The following ATG10 variants were observed in gnomAD, a reference collection of about 807,000 sequenced individuals.
The protein encoded by ATG10 is ubiquitin-like-conjugating enzyme ATG10.
Under a neutral mutation model 32.1 loss-of-function variants are expected in ATG10, and 30 were observed. That is an observed-to-expected ratio of 0.94 (90% CI 0.70 to 1.27). The LOEUF is 1.27. Ranked by LOEUF, ATG10 falls within the 50% of genes most tolerant of loss-of-function variation. The pLI is 0.00. For synonymous variants in ATG10, 87 were observed against 91.5 expected, an observed-to-expected ratio of 0.95 and a Z score of 0.28; for missense variants, 233 against 262.3, an observed-to-expected ratio of 0.89 and a Z score of 0.77.
chr5:82,138,625 G>A (rs770976071), intron 3 of ATG10, among the ~76,000 whole-genome samples: 20 of 152,270 alleles, frequency 1.3e-4, no homozygotes, highest in Non-Finnish European at 2.5e-4. Flanking sequence ...TGCCTATTGC[G>A]TTGGTCTTGC....
chr5:82,079,400 G>T (rs1764393441), intron 3 of ATG10, among the ~76,000 whole-genome samples: 5 of 151,666 alleles, frequency 3.3e-5, no homozygotes. Flanking sequence ...AAGTTCTAGG[G>T]TACATGTGCA....
chr5:82,050,505 G>C (rs1763376952), intron 2 of ATG10, among the ~76,000 whole-genome samples: 1 of 151,858 alleles, frequency 6.6e-6, no homozygotes, highest in African/African-American at 2.4e-5. Flanking sequence ...TTAGTCCTCT[G>C]TGCTTTGTTT....
chr5:82,216,608 G>A (rs1320002298), intron 5 of ATG10, among the ~76,000 whole-genome samples: 1 of 152,122 alleles, frequency 6.6e-6, no homozygotes, highest in African/African-American at 2.4e-5. Flanking sequence ...TGACAGACTG[G>A]CAACACTTCA....
intron 3 of ATG10, among the ~76,000 whole-genome samples, chr5:82,078,935 C>G (rs1318930005): frequency 6.6e-6 from 1 of 152,146 alleles, no homozygotes; most frequent in Non-Finnish European, 1.5e-5. Flanking sequence ...TGAATTCAAA[C>G]TCCAGTATCA....
intron 2 of ATG10, chr5:82,009,479 G>C (rs1762070501): frequency 3.9e-6 from 3 of 760,592 alleles, no homozygotes; most frequent in Non-Finnish European, 6.5e-6. Context: ...GGAACCCAAA[G>C]GGAACTGCAG....
In ATG10 at chr5:82,184,736, A is replaced by T. The variant is rs147871914; in HGVS notation, c.453+6149A>T. Among the ~76,000 whole-genome samples the T allele has an allele frequency of 2.0e-3, 301 of 152,316 alleles. 5 individuals carry two copies. The highest frequency in any genetic ancestry group is 6.9e-3 in the African/African-American group (287 of 41,560). ...TATATTAAAATACTTTCTTTGACCTACAAGTTTATTATTTTATTTTTTAAA... is the reference window on the plus strand; with the variant it reads ...TATATTAAAATACTTTCTTTGACCTTCAAGTTTATTATTTTATTTTTTAAA... On this transcript the variant is annotated intron_variant, in intron 5 of 7. Transcript: ENST00000282185.
chr5:82,041,421 A>T (rs1372301471), intron 2 of ATG10, among the ~76,000 whole-genome samples: 1 of 152,182 alleles, frequency 6.6e-6, no homozygotes, highest in African/African-American at 2.4e-5. Context: ...TAGGTTTTTG[A>T]GATATTTGTG....
chr5:82,171,990 A>G (rs1743825758), intron 4 of ATG10, among the ~76,000 whole-genome samples: 1 of 152,194 alleles, frequency 6.6e-6, no homozygotes. Flanking sequence ...TATGTTAAGG[A>G]CCATAAGAGA....
At chr5:82,087,730 G>A (rs907423473) in intron 3 of ATG10, among the ~76,000 whole-genome samples, 4 of 152,038 alleles carry the variant, frequency 2.6e-5, no homozygotes, top group Non-Finnish European at 2.9e-5. Flanking sequence ...CCCAGGGTGA[G>A]CACATGACTA....
Position 82,164,514 on chromosome 5 carries a change from T to A in ATG10, c.332T>A (p.Leu111His). ...TCCTGTAGCTACCAAGTGCCTGTAC[T>A]TTACTTTAGGGCAAGCTTTTTAGGT... ...LYSCSYQVPV[L>H]YFRASFLDGR... Residue 111 changes from leucine (L) to histidine (H), a missense_variant, in exon 4 of 8, where the codon CTT (leucine) becomes CAT (histidine). Leu to His is a moderately conservative substitution (Grantham distance 99). Coordinates refer to ENST00000282185, the MANE Select transcript of ATG10 (RefSeq NM_031482.5). The A allele has an allele frequency of 2.5e-6, 4 of 1,613,180 alleles. No homozygotes were observed. The highest frequency in any genetic ancestry group is 3.4e-6 in the Non-Finnish European group (4 of 1,179,376).
chr5:82,011,277 TA>T (rs1762120478), intron 2 of ATG10, among the ~76,000 whole-genome samples: 2 of 152,154 alleles, frequency 1.3e-5, no homozygotes, highest in Non-Finnish European at 2.9e-5. Context: ...TCTGCCTCAA[TA>T]CATATACTGA....
intron 5 of ATG10, among the ~76,000 whole-genome samples, chr5:82,243,204 T>A (rs1201900549): frequency 3.3e-5 from 5 of 151,824 alleles, no homozygotes; most frequent in African/African-American, 9.7e-5. Context: ...TGAGAAAAAA[T>A]TTTTAATCCT....
At chr5:82,131,350 C>T (rs924161316) in intron 3 of ATG10, among the ~76,000 whole-genome samples, 1 of 152,186 alleles carries the variant, frequency 6.6e-6, no homozygotes, top group Non-Finnish European at 1.5e-5. Context: ...AGAAAGAACA[C>T]TGAACTTGGA....
Position 82,219,776 on chromosome 5 carries a change from G to A in ATG10, c.454-32786G>A, listed in dbSNP as rs185815999. 1.6e-4 allele frequency among the ~76,000 whole-genome samples: 24 copies of A among 152,276 alleles called. 1 individual carries two copies. In the East Asian group the frequency reaches 3.9e-3, roughly 24 times the overall value. Reference sequence around the variant, plus strand: ...TTTAACTATACTGTTTGCTCTACATGCTTTAATTACTTATGGACTTATTAG... The same window carrying A: ...TTTAACTATACTGTTTGCTCTACATACTTTAATTACTTATGGACTTATTAG... On this transcript the variant is annotated intron_variant, in intron 5 of 7. Transcript: ENST00000282185.
In ATG10 at chr5:82,253,334, C is replaced by T; in HGVS notation, c.572C>T (p.Ser191Leu). 1 of 1,612,198 alleles carries T rather than the reference C, an allele frequency of 6.2e-7. No individual in the cohort carries two copies. The change falls in exon 7 of 8, where the codon TCA (serine) becomes TTA (leucine). Residue 191 changes from serine (S) to leucine (L), a missense_variant. Coordinates refer to ENST00000282185, the MANE Select transcript of ATG10 (RefSeq NM_031482.5). The stretch of plus-strand genomic sequence containing the variant: ...CCTAGGAATGTCAACTATATCACAT[C>T]ATGGCTGAGCATTGTAGGGCCAGTT... ...KINKNVNYIT[S>L]WLSIVGPVVG... is the part of the protein sequence containing the mutation.
chr5:82,029,753 A>G (rs556724444), intron 2 of ATG10, among the ~76,000 whole-genome samples: 1 of 152,352 alleles, frequency 6.6e-6, no homozygotes, highest in Non-Finnish European at 1.5e-5. Context: ...CTAACATTTT[A>G]TATCTCACTC....
intron 1 of ATG10, among the ~76,000 whole-genome samples, chr5:81,976,716 CCAATT>C (rs1414928222): frequency 1.3e-5 from 2 of 152,174 alleles, no homozygotes; most frequent in Admixed American, 6.5e-5. Flanking sequence ...CTGGAGCTGA[CCAATT>C]CATTAATATG....
chr5:82,093,552 A>G (rs1171440080), intron 3 of ATG10, among the ~76,000 whole-genome samples: 1 of 152,204 alleles, frequency 6.6e-6, no homozygotes, highest in Non-Finnish European at 1.5e-5. Flanking sequence ...CTGTTTTTGT[A>G]AATAGTTTTA....
At chr5:82,001,026 T>C (rs760211326) in intron 2 of ATG10, among the ~76,000 whole-genome samples, 50 of 152,054 alleles carry the variant, frequency 3.3e-4, no homozygotes, top group Non-Finnish European at 6.2e-4. Context: ...GCAGTCCCAT[T>C]CACAGGAGCC....
Sources: allele counts gnomAD v4.1 joint callset (sites outside exome capture counted in the v4.1 genomes callset), GRCh38; gene constraint gnomAD v4.1.1; transcripts MANE v1.5; gene names NCBI Gene and HGNC (gene_info 2026-07-23, HGNC 2026-07-21).